The following RC3H1 variants were observed in gnomAD, a reference collection of about 807,000 sequenced individuals.
RC3H1 encodes roquin-1.
In RC3H1, 50 loss-of-function variants were observed where a neutral mutation model predicts 138.2. The ratio of observed to expected loss-of-function variants is 0.36; its 90% CI spans 0.29 to 0.46. The LOEUF (loss-of-function observed/expected upper bound fraction) is 0.46. Among genes scored for constraint, RC3H1 ranks in the 20% least tolerant of loss-of-function variants. The pLI is 1.00. For missense variants in RC3H1, 1,031 were observed against 1,388.1 expected (o/e 0.74, Z 4.09); for synonymous variants, 462 against 489.1 (o/e 0.94, Z 0.73).
chr1:173,961,011 A>C, intron 13 of RC3H1, 66 bp downstream of exon 13: 1 of 1,497,970 alleles, frequency 6.7e-7, no homozygotes, highest in Non-Finnish European at 9.1e-7. Context: ...GGAATAGGCA[A>C]AGATGACTTA....
intron 13 of RC3H1, 52 bp downstream of exon 13, chr1:173,961,025 C>T (rs1430108035): frequency 7.1e-6 from 11 of 1,555,378 alleles, no homozygotes; most frequent in African/African-American, 1.4e-5. Context: ...TGACTTAAAC[C>T]GGACACACAC....
In RC3H1 at chr1:173,952,131, T is replaced by G; in HGVS notation, c.2378A>C (p.Asp793Ala). 2.1e-6 allele frequency: 3 copies of G among 1,437,666 alleles called. No homozygotes were observed. The highest frequency in any genetic ancestry group is 2.7e-6 in the Non-Finnish European group (3 of 1,092,650). 89.1% of individuals were successfully genotyped at this position (1,437,666 alleles called of 1,614,324 possible). A position where few individuals can be genotyped will look rare whatever the true frequency, so the allele number is the denominator to read the frequency against. ...TTTCCCAGCTACCTTCAAGTCTTCA[T>G]CCAAAAACTACAGATGGAGAAAGAA... ...PPTFHPEEFL[D>A]EDLKVAGKYK... Residue 793 changes from aspartate to alanine, a missense_variant, in exon 14 of 20, where the codon GAT (aspartate) becomes GCT (alanine). This residue lies in a region of RC3H1 where 716 missense variants were observed against 837.9 expected (regional missense o/e 0.85). Transcript: ENST00000367696.
Position 173,936,751 on chromosome 1 carries a change from ATATATATATATTTTTT to A in RC3H1, c.*1954_*1969del, listed in dbSNP as rs1276949653. Reference sequence around the variant, plus strand: ...CATACATATATATATATATATATATATATATATATATTTTTTTTTTTTTTTTTAAAAAAAGAAGACA... The same window carrying A: ...CATACATATATATATATATATATATATTTTTTTTTTTAAAAAAAGAAGACA... On this transcript the variant is annotated 3_prime_UTR_variant, in exon 20 of 20. Transcript: ENST00000367696. The A allele has an allele frequency of 6.5e-4, 38 of 58,764 alleles. No homozygotes were observed. Among genetic ancestry groups the A allele is most frequent in the South Asian group, 4.8e-3 (9 of 1,860 alleles). The allele number at this position is 58,764 out of a possible 1,614,324, so 3.6% of individuals were successfully genotyped here.
chr1:173,978,464 T>C (rs779280476), intron 7 of RC3H1, 24 bp downstream of exon 7: 11 of 1,612,206 alleles, frequency 6.8e-6, no homozygotes, highest in Admixed American at 1.7e-5. Context: ...TATAAGATAG[T>C]CCATTAATTT....
At chr1:173,944,776 C>T (rs1406951431) in intron 17 of RC3H1, among the ~76,000 whole-genome samples, 1 of 152,174 alleles carries the variant, frequency 6.6e-6, no homozygotes, top group East Asian at 1.9e-4. Flanking sequence ...CTAAGTATTA[C>T]ATAGATTTTT....
chr1:174,013,789 T>C (rs894655332), intron 1 of RC3H1, among the ~76,000 whole-genome samples: 5 of 151,412 alleles, frequency 3.3e-5, no homozygotes, highest in African/African-American at 1.2e-4. Flanking sequence ...TGAAAAGACA[T>C]GAAGAGGGCC....
At chr1:173,998,428 A>C (rs1018776869) in intron 1 of RC3H1, among the ~76,000 whole-genome samples, 1 of 152,206 alleles carries the variant, frequency 6.6e-6, no homozygotes, top group African/African-American at 2.4e-5. Context: ...ACTGTTGATA[A>C]TTGCTAATAC....
At chr1:174,006,937 T>C (rs926019554) in intron 1 of RC3H1, among the ~76,000 whole-genome samples, 1 of 152,176 alleles carries the variant, frequency 6.6e-6, no homozygotes, top group Non-Finnish European at 1.5e-5. Flanking sequence ...CAACGAATTA[T>C]CACAAAGTGA....
chr1:173,997,642 A>G (rs960780377), intron 1 of RC3H1, among the ~76,000 whole-genome samples: 5 of 152,188 alleles, frequency 3.3e-5, no homozygotes, highest in African/African-American at 1.2e-4. Flanking sequence ...ACTATAAACA[A>G]CTTGATAGAA....
chr1:173,968,451 A>G (rs1660213060), intron 9 of RC3H1, among the ~76,000 whole-genome samples: 1 of 152,182 alleles, frequency 6.6e-6, no homozygotes, highest in African/African-American at 2.4e-5. Flanking sequence ...TTCAATTTAT[A>G]TACACCCTGG....
At chr1:173,992,394 G>A (rs1445068635) in intron 2 of RC3H1, among the ~76,000 whole-genome samples, 1 of 151,848 alleles carries the variant, frequency 6.6e-6, no homozygotes, top group African/African-American at 2.4e-5. Flanking sequence ...TGATCCACCC[G>A]CCTTGGCCCT....
intron 9 of RC3H1, 61 bp downstream of exon 9, chr1:173,970,444 G>A (rs933310003): frequency 9.7e-7 from 1 of 1,035,746 alleles, no homozygotes. Context: ...CTGTATTTCT[G>A]TATGTCAGCG....
In RC3H1 at chr1:173,961,221, A is replaced by G. The variant is rs766635600; in HGVS notation, c.2226T>C (p.Pro742=). ...GACTAGGATGAGGCTGGGGAGGAGG[A>G]GGAAGCCGGCTATAAGGAGGTTCCT... ...YLREPPYSRL[P]PPPQPHPSLD... Residue 742 remains proline, a synonymous_variant, in exon 13 of 20, where the codon CCT becomes CCC. Coordinates refer to ENST00000367696, the MANE Select transcript of RC3H1 (RefSeq NM_172071.4). 6.2e-7 allele frequency: 1 copy of G among 1,613,076 alleles called. No homozygotes were observed.
At chr1:173,945,652 A>ATGAAAAG (rs1188089123) in intron 17 of RC3H1, among the ~76,000 whole-genome samples, 1 of 152,170 alleles carries the variant, frequency 6.6e-6, no homozygotes, top group African/African-American at 2.4e-5. Flanking sequence ...AACTACGTAA[A>ATGAAAAG]TGAAAAGTGT....
At chr1:173,976,740 T>G (rs1334101148) in intron 7 of RC3H1, among the ~76,000 whole-genome samples, 4 of 152,180 alleles carry the variant, frequency 2.6e-5, no homozygotes, top group Non-Finnish European at 4.4e-5. Context: ...AAAATCACTA[T>G]ATATTCTAGT....
chr1:173,999,580 T>G (rs1661527421), intron 1 of RC3H1, among the ~76,000 whole-genome samples: 1 of 152,208 alleles, frequency 6.6e-6, no homozygotes, highest in African/African-American at 2.4e-5. Context: ...TTAAGTATGA[T>G]TAAAACATTG....
At chr1:174,021,328 T>C (rs1338651980) in intron 1 of RC3H1, among the ~76,000 whole-genome samples, 1 of 152,194 alleles carries the variant, frequency 6.6e-6, no homozygotes, top group Non-Finnish European at 1.5e-5. Flanking sequence ...GTTATTACTG[T>C]TCCAAAAGAG....
At chr1:173,962,170 A>G in intron 11 of RC3H1, 75 bp from the exon 12 acceptor site, 1 of 1,320,600 alleles carries the variant, frequency 7.6e-7, no homozygotes, top group Non-Finnish European at 1.0e-6. Flanking sequence ...TTACCTTTTA[A>G]AATACTGAAA....
rs1658629766 is a variant in RC3H1 at position 173,936,920 on chromosome 1, T to C, written c.*1801A>G. On this transcript the variant is annotated 3_prime_UTR_variant, in exon 20 of 20. Transcript: ENST00000367696. ...AAATCCTTAAAACATACCCAATATA[T>C]ATACAGATATAGCTATGTATATATG... is the stretch of plus-strand genomic sequence containing the variant. 2 of 146,874 alleles carry C rather than the reference T, an allele frequency of 1.4e-5. No homozygotes were observed. The highest frequency in any genetic ancestry group is 2.5e-5 in the African/African-American group (1 of 40,646). The allele number at this position is 146,874 out of a possible 1,614,324, so 9.1% of individuals were successfully genotyped here.
Sources: gnomAD v4.1 joint callset for allele counts (sites outside exome capture counted in the v4.1 genomes callset) on GRCh38, gnomAD v4.1.1 for gene constraint, gnomAD v4.1.1 regional missense constraint, MANE v1.5 for transcripts, NCBI Gene and HGNC (gene_info 2026-07-23, HGNC 2026-07-21) for gene names.